The following TRPC4 variants were observed in gnomAD, a reference collection of about 807,000 sequenced individuals.
The protein encoded by TRPC4 is short transient receptor potential channel 4.
A neutral mutation model predicts 99.4 loss-of-function variants in TRPC4; 49 were observed. That is an observed-to-expected ratio of 0.49 (90% CI 0.39 to 0.63). TRPC4 has a LOEUF of 0.63. Ranked by LOEUF, TRPC4 falls within the 20% of genes least tolerant of loss-of-function variation. TRPC4 has a pLI of 0.00. For synonymous variants in TRPC4, 454 were observed against 425.9 expected, an observed-to-expected ratio of 1.07 and a Z score of -0.81; for missense variants, 898 against 1,152.9, an observed-to-expected ratio of 0.78 and a Z score of 3.20.
chr13:37,714,678 C>A (rs1954602698), intron 3 of TRPC4, among the ~76,000 whole-genome samples: 2 of 152,144 alleles, frequency 1.3e-5, no homozygotes, highest in African/African-American at 4.8e-5. Context: ...ACACTGATTT[C>A]TGCCATCAAA....
At chr13:37,771,509 G>A (rs1442403058) in intron 2 of TRPC4, among the ~76,000 whole-genome samples, 1 of 151,442 alleles carries the variant, frequency 6.6e-6, no homozygotes, top group Non-Finnish European at 1.5e-5. Flanking sequence ...ATGATTTTAA[G>A]AAAAGCAGTT....
At chr13:37,837,672 G>A (rs538596633) in intron 1 of TRPC4, among the ~76,000 whole-genome samples, 2 of 152,316 alleles carry the variant, frequency 1.3e-5, no homozygotes, top group African/African-American at 4.8e-5. Context: ...ATAGGTGGAA[G>A]GGACTTGTCT....
intron 1 of TRPC4, among the ~76,000 whole-genome samples, chr13:37,838,927 C>T (rs1958651226): frequency 6.6e-6 from 1 of 152,100 alleles, no homozygotes. Flanking sequence ...AAAGAGTCCT[C>T]AAGGAGTTAC....
At chr13:37,642,736 C>CTTTTT (rs796528635) in intron 8 of TRPC4, among the ~76,000 whole-genome samples, 2 of 2,786 alleles carry the variant, frequency 7.2e-4, no homozygotes, top group Non-Finnish European at 7.7e-4. Flanking sequence ...CTTTCTTTTT[C>CTTTTT]TTTTTTTTTT....
intron 2 of TRPC4, among the ~76,000 whole-genome samples, chr13:37,753,545 G>C (rs1955995988): frequency 6.9e-6 from 1 of 145,154 alleles, no homozygotes; most frequent in Admixed American, 7.2e-5. Context: ...GGAAAGATGA[G>C]AGACAGAGAA....
chr13:37,838,768 A>G (rs1247893236), intron 1 of TRPC4, among the ~76,000 whole-genome samples: 2 of 152,204 alleles, frequency 1.3e-5, no homozygotes, highest in Non-Finnish European at 2.9e-5. Context: ...GAAGCATTAA[A>G]GGAAAGTTAA....
intron 5 of TRPC4, among the ~76,000 whole-genome samples, chr13:37,672,851 C>A (rs756338237): frequency 2.0e-5 from 3 of 152,154 alleles, no homozygotes; most frequent in Non-Finnish European, 4.4e-5. Context: ...AATATACTTG[C>A]TTTCCATAAA....
At chr13:37,867,895 T>G (rs1435291869) in intron 1 of TRPC4, among the ~76,000 whole-genome samples, 1 of 152,182 alleles carries the variant, frequency 6.6e-6, no homozygotes, top group African/African-American at 2.4e-5. Flanking sequence ...TATAGATGGC[T>G]GTAGTTCTCC....
At chr13:37,638,450 ATTTG>A (rs1194043250) in intron 10 of TRPC4, among the ~76,000 whole-genome samples, 3 of 152,034 alleles carry the variant, frequency 2.0e-5, no homozygotes, top group Admixed American at 1.3e-4. Flanking sequence ...ATTTTTTTAA[ATTTG>A]TTTGTTTGTT....
intron 1 of TRPC4, among the ~76,000 whole-genome samples, chr13:37,801,176 A>C (rs1957390181): frequency 6.6e-6 from 1 of 152,166 alleles, no homozygotes; most frequent in Admixed American, 6.6e-5. Context: ...GTGGAATGTA[A>C]CATAAAAGTT....
At chr13:37,830,227 G>C (rs912950956) in intron 1 of TRPC4, among the ~76,000 whole-genome samples, 1 of 151,930 alleles carries the variant, frequency 6.6e-6, no homozygotes, top group African/African-American at 2.4e-5. Context: ...CATAAATGTG[G>C]TAAAATTTCC....
chr13:37,726,889 A>G (rs1473042711), intron 3 of TRPC4, among the ~76,000 whole-genome samples: 1 of 152,166 alleles, frequency 6.6e-6, no homozygotes, highest in Admixed American at 6.5e-5. Context: ...TTACAAGAAG[A>G]TATAATTATT....
intron 4 of TRPC4, among the ~76,000 whole-genome samples, chr13:37,682,249 A>C (rs1467734870): frequency 1.3e-5 from 2 of 152,202 alleles, no homozygotes; most frequent in Non-Finnish European, 2.9e-5. Context: ...TGACCTTGGA[A>C]GTCTCTTCAC....
chr13:37,708,943 C>A (rs1441772307), intron 3 of TRPC4, among the ~76,000 whole-genome samples: 1 of 151,890 alleles, frequency 6.6e-6, no homozygotes, highest in Non-Finnish European at 1.5e-5. Flanking sequence ...TTATGACATA[C>A]TTGCCTGAGA....
intron 3 of TRPC4, among the ~76,000 whole-genome samples, chr13:37,710,805 G>T (rs1954458710): frequency 2.6e-5 from 4 of 151,774 alleles, no homozygotes; most frequent in Admixed American, 2.6e-4. Context: ...ATCAGTTACA[G>T]ATTTTCAATT....
chr13:37,691,262 C>T (rs966381022), intron 4 of TRPC4, among the ~76,000 whole-genome samples: 8 of 152,042 alleles, frequency 5.3e-5, no homozygotes, highest in African/African-American at 1.7e-4. Context: ...CCACCACGCC[C>T]GGCTAATTTC....
At position 37,636,885 on chromosome 13, in the gene TRPC4, C is replaced by T. The variant is rs753576485; in HGVS notation, c.*18G>A. On this transcript the variant is annotated 3_prime_UTR_variant, in exon 11 of 11. Coordinates refer to ENST00000379705, the MANE Select transcript of TRPC4 (RefSeq NM_016179.4). ...GGAAAATACGTATGTGTATGGTAAA[C>T]GCTTCCTCCTTCAAGTATCACAATC... is the stretch of plus-strand genomic sequence containing the variant. The T allele has an allele frequency of 1.8e-5, 29 of 1,597,460 alleles. No homozygotes were observed. The highest frequency in any genetic ancestry group is 2.3e-5 in the Non-Finnish European group (27 of 1,171,582).
At chr13:37,638,015 T>C (rs1276004897) in intron 10 of TRPC4, among the ~76,000 whole-genome samples, 3 of 152,148 alleles carry the variant, frequency 2.0e-5, no homozygotes, top group Admixed American at 2.0e-4. Context: ...CATTTTTCTG[T>C]CCAAAGGGAT....
Position 37,632,628 on chromosome 13 carries a change from C to T in TRPC4, c.*4275G>A, listed in dbSNP as rs1303773361. Among the ~76,000 whole-genome samples the T allele has an allele frequency of 6.6e-6, 1 of 152,154 alleles. No individual in the cohort carries two copies. The highest frequency in any genetic ancestry group is 1.5e-5 in the Non-Finnish European group (1 of 68,014). On this transcript the variant is annotated 3_prime_UTR_variant, in exon 11 of 11. Coordinates refer to ENST00000379705, the MANE Select transcript of TRPC4 (RefSeq NM_016179.4). ...GTATCCAGGCTTGGTCCCATTGTCC[C>T]AATCTTAGTTCAACTGTACATTGTC...
Sources: allele counts gnomAD v4.1 joint callset (sites outside exome capture counted in the v4.1 genomes callset), GRCh38; gene constraint gnomAD v4.1.1; transcripts MANE v1.5; gene names NCBI Gene and HGNC (gene_info 2026-07-23, HGNC 2026-07-21).